The following DYNC2H1 variants were observed in gnomAD, a reference collection of about 807,000 sequenced individuals.
The protein encoded by DYNC2H1 is dynein cytoplasmic 2 heavy chain 1.
Under a neutral mutation model 570.0 loss-of-function variants are expected in DYNC2H1, and 410 were observed. The observed-to-expected ratio is 0.72, with a 90% CI of 0.66 to 0.78. DYNC2H1 has a LOEUF of 0.78. Ranked by LOEUF, DYNC2H1 falls within the 30% of genes least tolerant of loss-of-function variation. The pLI, the probability that DYNC2H1 is intolerant of heterozygous loss-of-function variation, is 0.00. For synonymous variants in DYNC2H1, 1,688 were observed against 1,677.6 expected (o/e 1.01, Z -0.15); for missense variants, 4,865 against 5,046.4 (o/e 0.96, Z 1.09).
intron 60 of DYNC2H1, among the ~76,000 whole-genome samples, chr11:103,233,370 A>G (rs1864086741): frequency 6.6e-6 from 1 of 151,940 alleles, no homozygotes; most frequent in Non-Finnish European, 1.5e-5. Flanking sequence ...TGACTAAATA[A>G]TCATGTCAAA....
chr11:103,161,043 A>G lies in DYNC2H1; in HGVS notation c.4490A>G (p.Glu1497Gly). The G allele has an allele frequency of 7.1e-7, 1 of 1,407,238 alleles. No individual in the cohort carries two copies. Among genetic ancestry groups the G allele is most frequent in the Non-Finnish European group, 9.5e-7 (1 of 1,049,058 alleles). 87.2% of individuals were successfully genotyped at this position (1,407,238 alleles called of 1,614,324 possible). The change falls in exon 29 of 89, where the codon GAG becomes GGG. Residue 1497 changes from glutamate (E) to glycine (G), a missense_variant and splice_region_variant. Glu to Gly is a moderately conservative substitution (Grantham distance 98, BLOSUM62 -2). Around this residue, in one of 5 missense-constraint regions of DYNC2H1, gnomAD observed 1,936 missense variants for 1,962.1 expected, o/e 0.99. Coordinates refer to ENST00000375735, the MANE Select transcript of DYNC2H1 (RefSeq NM_001377.3). ...KNKVPLSNNVETWLNDLALEM... is the reference protein window; with the variant it reads ...KNKVPLSNNVGTWLNDLALEM... ...AAAGTTCCTCTATCAAATAATGTAG[A>G]GGTAAGCAATTCTTTTTCAAATATG...
chr11:103,118,777 C>CT (rs1390493227), intron 6 of DYNC2H1, among the ~76,000 whole-genome samples: 2 of 152,070 alleles, frequency 1.3e-5, no homozygotes, highest in Non-Finnish European at 2.9e-5. Flanking sequence ...AAAGTTTCCC[C>CT]TTTTTTTATG....
At chr11:103,286,167 T>A (rs962743330) in intron 73 of DYNC2H1, 88 bp from the exon 74 acceptor site, 69 of 1,498,130 alleles carry the variant, frequency 4.6e-5, no homozygotes, top group Non-Finnish European at 5.5e-5. Flanking sequence ...AACCAATAAT[T>A]GGTTCTCACT....
At position 103,205,950 on chromosome 11, in the gene DYNC2H1, T is replaced by TA. The variant is rs1862906155; in HGVS notation, c.8454+987dup. On this transcript the variant is annotated intron_variant, in intron 52 of 88. Coordinates refer to ENST00000375735, the MANE Select transcript of DYNC2H1 (RefSeq NM_001377.3). This position sits in a 1 kb window ranked among gnomAD's most constrained non-coding sequence, Gnocchi z 4.5. ...TTTCAGCTTTTCCTGAGAACTAACT[T>TA]ACTTTTGGATGCTTTCGAACAGAAA... Among the ~76,000 whole-genome samples the TA allele has an allele frequency of 6.6e-6, 1 of 152,186 alleles. No individual in the cohort carries two copies.
intron 88 of DYNC2H1, among the ~76,000 whole-genome samples, chr11:103,476,286 T>C (rs924531638): frequency 2.0e-5 from 3 of 152,206 alleles, no homozygotes; most frequent in African/African-American, 7.2e-5. Flanking sequence ...ATTTACTCTC[T>C]CCATGAATCA....
rs35681061 is a variant in DYNC2H1, at chr11:103,473,286, A to ATTT, written c.12765+4597_12765+4599dup. On this transcript the variant is annotated intron_variant, in intron 88 of 88. Transcript: ENST00000375735. ...CACTATTTATTCATTCATGAAACAG[A>ATTT]TTTTTTTTTTTTTTTTTTGAGATGG... Among the ~76,000 whole-genome samples the ATTT allele has an allele frequency of 8.3e-3, 1,134 of 136,842 alleles. 16 individuals are homozygous for ATTT. Among genetic ancestry groups the ATTT allele is most frequent in the African/African-American group, 0.029 (1,070 of 36,888 alleles). The allele number at this position is 136,842 out of a possible 152,430, so 89.8% of individuals were successfully genotyped here.
At chr11:103,430,126 C>A (rs646311) in intron 84 of DYNC2H1, among the ~76,000 whole-genome samples, 39,002 of 151,892 alleles carry the variant, frequency 0.26, 5,874 homozygotes, top group East Asian at 0.43. Flanking sequence ...ACAAGTAATT[C>A]CATCATTAAA....
chr11:103,220,628 A>G lies in DYNC2H1; in HGVS notation c.8952A>G (p.Leu2984=). 6.2e-7 allele frequency: 1 copy of G among 1,603,334 alleles called. No individual in the cohort carries two copies. The highest frequency in any genetic ancestry group is 8.5e-7 in the Non-Finnish European group (1 of 1,175,490). ...ATGGCCTTTTTCTCTTTTAGCCTTT[A>G]GTCAATGAAGCTAAACTAGCAGTTG... The part of the protein sequence containing the change: ...IDDELKEVQP[L]VNEAKLAVGN... The change falls in exon 57 of 89, where the codon TTA becomes TTG. Residue 2984 remains leucine (L), a synonymous_variant. Transcript: ENST00000375735.
chr11:103,251,279 TTATCTC>T (rs1864819039), intron 65 of DYNC2H1, among the ~76,000 whole-genome samples: 1 of 152,120 alleles, frequency 6.6e-6, no homozygotes, highest in Non-Finnish European at 1.5e-5. Flanking sequence ...ATGTTCTTCT[TTATCTC>T]TATAAATGTT....
In DYNC2H1 at chr11:103,245,438, C is replaced by G. The variant is rs1467779415; in HGVS notation, c.10042+64C>G. 3.4e-6 allele frequency: 5 copies of G among 1,482,104 alleles called. No individual in the cohort carries two copies. The African/African-American group carries it at 5.7e-5, about 17-fold the overall frequency. 91.8% of individuals were successfully genotyped at this position (1,482,104 alleles called of 1,614,324 possible). A position where few individuals can be genotyped will look rare whatever the true frequency, so the allele number is the denominator to read the frequency against. On this transcript the variant is annotated intron_variant, in intron 65 of 88. Coordinates refer to ENST00000375735, the MANE Select transcript of DYNC2H1 (RefSeq NM_001377.3). The surrounding 1 kb of genome is among the most constrained non-coding windows in gnomAD (Gnocchi z 4.5). ...AAATTTCCAAAGTAAGTAATTAAAC[C>G]AGGTGCAAGCTTTCAAGAGTCCTCT...
intron 73 of DYNC2H1, among the ~76,000 whole-genome samples, chr11:103,284,926 G>T (rs185465149): frequency 9.2e-5 from 14 of 152,262 alleles, no homozygotes; most frequent in Admixed American, 9.2e-4. Context: ...ACTGTTTGAG[G>T]TAGAGGGATT....
chr11:103,474,851 C>T (rs567752142), intron 88 of DYNC2H1, among the ~76,000 whole-genome samples: 20 of 152,236 alleles, frequency 1.3e-4, no homozygotes, highest in African/African-American at 4.1e-4. Flanking sequence ...ATGTATTCCC[C>T]ATGAATAAGA....
chr11:103,303,060 T>A, intron 75 of DYNC2H1, 33 bp from the exon 76 acceptor site: 1 of 1,384,778 alleles, frequency 7.2e-7, no homozygotes, highest in South Asian at 1.9e-5. Context: ...TGCATACTGC[T>A]TTTATTTTTA....
chr11:103,199,620 A>C lies in DYNC2H1; in HGVS notation c.8088+144A>C. ...ACTAAAGTTCTCTGTTATACAATGTAGTCTTTATTTTAATTTAGATTATTT... is the reference window on the plus strand; with the variant it reads ...ACTAAAGTTCTCTGTTATACAATGTCGTCTTTATTTTAATTTAGATTATTT... On this transcript the variant is annotated intron_variant, in intron 49 of 88. Transcript: ENST00000375735. This position sits in a 1 kb window ranked among gnomAD's most constrained non-coding sequence, Gnocchi z 4.6. The C allele has an allele frequency of 1.4e-6, 1 of 740,016 alleles. No homozygotes were observed. Among genetic ancestry groups the C allele is most frequent in the Non-Finnish European group, 1.9e-6 (1 of 516,858 alleles). The allele number at this position is 740,016 out of a possible 1,614,324, so 45.8% of individuals were successfully genotyped here.
At position 103,277,240 on chromosome 11, in the gene DYNC2H1, G is replaced by A. The variant is rs1231158411; in HGVS notation, c.10696-3108G>A. The stretch of plus-strand genomic sequence containing the variant: ...TTGTGCTCATATAGTTATACAAAGT[G>A]TGTGTTCAAATTTTATCATGTATGG... On this transcript the variant is annotated intron_variant, in intron 70 of 88. Transcript: ENST00000375735. This position sits in a 1 kb window ranked among gnomAD's most constrained non-coding sequence, Gnocchi z 4.3. Among the ~76,000 whole-genome samples, 2 of 152,034 alleles carry A rather than the reference G, an allele frequency of 1.3e-5. No individual in the cohort carries two copies. The highest frequency in any genetic ancestry group is 4.8e-5 in the African/African-American group (2 of 41,416).
intron 79 of DYNC2H1, among the ~76,000 whole-genome samples, chr11:103,314,922 C>A (rs557365562): frequency 5.3e-5 from 8 of 151,886 alleles, no homozygotes; most frequent in Non-Finnish European, 1.0e-4. Flanking sequence ...TACGGTCTAA[C>A]AGAATGATAT....
At chr11:103,399,556 A>G (rs908902888) in intron 83 of DYNC2H1, 107 bp from the exon 84 acceptor site, 7 of 749,282 alleles carry the variant, frequency 9.3e-6, no homozygotes, top group African/African-American at 3.6e-5. Context: ...ATTTCAAAAT[A>G]GTTTTTAAAA....
chr11:103,195,771 A>G (rs1862487693), intron 47 of DYNC2H1, among the ~76,000 whole-genome samples: 1 of 152,136 alleles, frequency 6.6e-6, no homozygotes, highest in Non-Finnish European at 1.5e-5. Flanking sequence ...CATTTTCTCC[A>G]TTTATCTAAT....
chr11:103,372,578 A>G (rs1941216901), intron 83 of DYNC2H1, among the ~76,000 whole-genome samples: 1 of 152,072 alleles, frequency 6.6e-6, no homozygotes, highest in African/African-American at 2.4e-5. Context: ...GGTGAATCCC[A>G]CTTTAGTATA....
Sources: allele counts gnomAD v4.1 joint callset (sites outside exome capture counted in the v4.1 genomes callset), GRCh38; gene constraint gnomAD v4.1.1; regional missense constraint gnomAD v4.1.1; non-coding constraint Gnocchi (gnomAD v3.1); transcripts MANE v1.5; gene names NCBI Gene and HGNC (gene_info 2026-07-23, HGNC 2026-07-21).